The following MREG variants were observed in gnomAD, a reference collection of about 807,000 sequenced individuals.
MREG encodes melanoregulin, also known as dilute suppressor protein homolog.
In MREG, 31 loss-of-function variants were observed where a neutral mutation model predicts 28.5. That is an observed-to-expected ratio of 1.09 (90% CI 0.82 to 1.47). The LOEUF (loss-of-function observed/expected upper bound fraction) is 1.47. MREG is among the 40% of genes most tolerant of loss of function. The pLI is 0.00. For synonymous variants in MREG, 106 were observed against 95.2 expected (o/e 1.11, Z -0.66); for missense variants, 256 against 257.4 (o/e 0.99, Z 0.04).
chr2:215,966,101 T>C (rs868070613), intron 2 of MREG, among the ~76,000 whole-genome samples: 8 of 152,156 alleles, frequency 5.3e-5, no homozygotes, highest in African/African-American at 1.9e-4. Flanking sequence ...CTGTACACCT[T>C]ACTTAGACCC....
chr2:215,992,499 C>G (rs575981556), intron 2 of MREG, among the ~76,000 whole-genome samples: 1 of 152,222 alleles, frequency 6.6e-6, no homozygotes, highest in East Asian at 1.9e-4. Context: ...CTTTGAAAAC[C>G]GGCACAAGAC....
chr2:215,978,197 G>A (rs1178962802), intron 2 of MREG, among the ~76,000 whole-genome samples: 2 of 151,800 alleles, frequency 1.3e-5, no homozygotes, highest in Non-Finnish European at 2.9e-5. Flanking sequence ...ATGATAAAGG[G>A]GATATCACCA....
intron 2 of MREG, among the ~76,000 whole-genome samples, chr2:215,948,236 A>G (rs1444557819): frequency 1.3e-5 from 2 of 152,210 alleles, no homozygotes; most frequent in African/African-American, 4.8e-5. Context: ...ATGTTTATAG[A>G]TACCACTTGG....
intron 2 of MREG, among the ~76,000 whole-genome samples, chr2:215,968,653 C>A (rs1693009235): frequency 6.6e-6 from 1 of 152,196 alleles, no homozygotes; most frequent in East Asian, 1.9e-4. Context: ...AGCCTACAAT[C>A]AAAACTTACT....
chr2:216,026,708 A>G (rs1694601042), intron 1 of MREG, among the ~76,000 whole-genome samples: 1 of 151,824 alleles, frequency 6.6e-6, no homozygotes, highest in South Asian at 2.1e-4. Flanking sequence ...ATTAAATAAA[A>G]TGGGGTAAAA....
intron 1 of MREG, among the ~76,000 whole-genome samples, chr2:216,024,466 G>A (rs10932645): frequency 0.021 from 3,172 of 151,544 alleles, 126 homozygotes; most frequent in African/African-American, 0.073. Flanking sequence ...AAAAAAGGAC[G>A]CCCCGTGCCC....
rs1371976375 is a variant in MREG, at chr2:216,031,550, AGAGGGAGGGAGG to A, written c.-68+1227_-68+1238del. Among the ~76,000 whole-genome samples, 13 of 148,538 alleles carry A rather than the reference AGAGGGAGGGAGG, an allele frequency of 8.8e-5. No homozygotes were observed. The South Asian group carries it at 8.8e-4, about 10-fold the overall frequency. On this transcript the variant is annotated intron_variant, in intron 1 of 3. Coordinates refer to the MREG transcript ENST00000420348. ...AGAAAAGAAAGAAGGAAGGAAGGAA[AGAGGGAGGGAGG>A]GAAGGAAGGAAGGAAAGAAAGAAGG...
chr2:215,963,939 T>G (rs1692867819), intron 2 of MREG, among the ~76,000 whole-genome samples: 1 of 152,238 alleles, frequency 6.6e-6, no homozygotes. Context: ...GAAACTTTTA[T>G]ATGTGACGGG....
At chr2:215,988,503 T>C (rs1176538266) in intron 2 of MREG, among the ~76,000 whole-genome samples, 1 of 152,158 alleles carries the variant, frequency 6.6e-6, no homozygotes, top group African/African-American at 2.4e-5. Flanking sequence ...ACAAGAGTTT[T>C]TTTTCATACC....
chr2:216,022,715 A>G (rs1694543447), intron 1 of MREG, among the ~76,000 whole-genome samples: 1 of 152,190 alleles, frequency 6.6e-6, no homozygotes, highest in African/African-American at 2.4e-5. Flanking sequence ...TGTTCTCCAA[A>G]GTCTCTCCAT....
chr2:215,994,294 C>G (rs1270673749), intron 2 of MREG, among the ~76,000 whole-genome samples: 1 of 151,766 alleles, frequency 6.6e-6, no homozygotes, highest in Non-Finnish European at 1.5e-5. Flanking sequence ...CCATCATTCT[C>G]AGCAAACTAA....
At chr2:216,015,118 C>T (rs544861777), upstream of MREG, among the ~76,000 whole-genome samples, 3 of 151,946 alleles carry the variant, frequency 2.0e-5, no homozygotes, top group Non-Finnish European at 4.4e-5. Context: ...TGTGTGTGCA[C>T]GCGTGTGTGT....
intron 2 of MREG, among the ~76,000 whole-genome samples, chr2:215,949,412 T>A (rs1372415547): frequency 6.6e-6 from 1 of 150,818 alleles, no homozygotes; most frequent in Non-Finnish European, 1.5e-5. Flanking sequence ...ATACAAAAAA[T>A]TTGCCGGGTG....
chr2:216,028,165 T>C (rs1694624074), intron 1 of MREG, among the ~76,000 whole-genome samples: 2 of 152,098 alleles, frequency 1.3e-5, no homozygotes, highest in Admixed American at 6.6e-5. Flanking sequence ...AAATGACATG[T>C]ATAGTGTGGT....
intron 1 of MREG, among the ~76,000 whole-genome samples, chr2:216,032,259 T>C (rs1694721749): frequency 6.6e-6 from 1 of 152,206 alleles, no homozygotes; most frequent in Non-Finnish European, 1.5e-5. Context: ...TCCAGAGAAA[T>C]GAAAACAAAA....
Position 216,026,156 on chromosome 2 carries a change from G to A in MREG, c.-68+6633C>T, listed in dbSNP as rs183341831. 2.3e-4 allele frequency among the ~76,000 whole-genome samples: 35 copies of A among 152,304 alleles called. No individual in the cohort carries two copies. In the East Asian group the frequency reaches 6.4e-3, roughly 28 times the overall value. On this transcript the variant is annotated intron_variant, in intron 1 of 3. Transcript: ENST00000420348. Reference sequence around the variant, plus strand: ...TCAATATACATTAAATATCCATAGAGAGACATAACTCCAGCTGATGGCTGC... The same window carrying A: ...TCAATATACATTAAATATCCATAGAAAGACATAACTCCAGCTGATGGCTGC...
chr2:215,947,800 A>G (rs1395355944), intron 2 of MREG, among the ~76,000 whole-genome samples: 2 of 152,180 alleles, frequency 1.3e-5, no homozygotes, highest in Non-Finnish European at 1.5e-5. Flanking sequence ...CACAAATTCA[A>G]CTTTATCAAC....
downstream of MREG, among the ~76,000 whole-genome samples, chr2:215,940,820 A>G: frequency 6.6e-6 from 1 of 152,100 alleles, no homozygotes; most frequent in Non-Finnish European, 1.5e-5. Context: ...GGAACTCTGG[A>G]GCAATGTAAG....
chr2:215,969,996 C>T (rs955858288), intron 2 of MREG, among the ~76,000 whole-genome samples: 1 of 152,190 alleles, frequency 6.6e-6, no homozygotes, highest in African/African-American at 2.4e-5. Flanking sequence ...CCATGGCCTA[C>T]ATTTTTTATT....
Sources: gnomAD v4.1 joint callset for allele counts (sites outside exome capture counted in the v4.1 genomes callset) on GRCh38, gnomAD v4.1.1 for gene constraint, MANE v1.5 for transcripts, NCBI Gene and HGNC (gene_info 2026-07-23, HGNC 2026-07-21) for gene names.